Variants in DAB1 observed in about 807,000 individuals in gnomAD.
DAB1 encodes the protein disabled homolog 1.
A neutral mutation model predicts 64.6 loss-of-function variants in DAB1; 15 were observed. The ratio of observed to expected loss-of-function variants is 0.23; its 90% CI spans 0.16 to 0.36. DAB1 has a LOEUF of 0.36. Among genes scored for constraint, DAB1 ranks in the 10% least tolerant of loss-of-function variants. The pLI is 1.00. For synonymous variants in DAB1, 235 were observed against 251.9 expected, an observed-to-expected ratio of 0.93 and a Z score of 0.64; for missense variants, 596 against 706.7, an observed-to-expected ratio of 0.84 and a Z score of 1.78.
At chr1:57,490,527 T>TA (rs888258240) in intron 7 of DAB1, among the ~76,000 whole-genome samples, 74 of 150,622 alleles carry the variant, frequency 4.9e-4, no homozygotes, top group African/African-American at 1.7e-3. Context: ...TTTATGAAAT[T>TA]AAAAAAAAAA....
intron 1 of DAB1, among the ~76,000 whole-genome samples, chr1:57,313,632 C>G (rs2100741121): frequency 6.6e-6 from 1 of 152,284 alleles, no homozygotes; most frequent in East Asian, 1.9e-4. Context: ...TAGTTTAATA[C>G]AAAGCTGACC....
In DAB1 at chr1:58,178,068, A is replaced by G. The variant is rs368288109; in HGVS notation, n.310-27480T>C. On this transcript the variant is annotated intron_variant and non_coding_transcript_variant, in intron 4 of 20. Coordinates refer to the DAB1 transcript ENST00000485760. ...AGAAAGTGTAAGGTTAGTGGACCTT[A>G]AGCCCTTGCAATATGGATTCTGTTC... 7.0e-4 allele frequency among the ~76,000 whole-genome samples: 106 copies of G among 152,258 alleles called. No individual in the cohort carries two copies. The South Asian group carries it at 8.5e-3, about 12-fold the overall frequency.
intron 4 of DAB1, among the ~76,000 whole-genome samples, chr1:58,214,850 G>C (rs910552096): frequency 6.6e-6 from 1 of 152,192 alleles, no homozygotes; most frequent in Non-Finnish European, 1.5e-5. Context: ...GCAGGCCACT[G>C]TGGCCTCATG....
At chr1:58,117,534 C>G (rs1170554023) in intron 5 of DAB1, among the ~76,000 whole-genome samples, 1 of 152,194 alleles carries the variant, frequency 6.6e-6, no homozygotes, top group East Asian at 1.9e-4. Flanking sequence ...CATCAGGGAC[C>G]TCTTTCCCAA....
intron 3 of DAB1, among the ~76,000 whole-genome samples, chr1:58,442,701 C>G (rs1007943185): frequency 4.6e-5 from 7 of 152,194 alleles, no homozygotes; most frequent in African/African-American, 1.7e-4. Context: ...CACTTATCCT[C>G]TCTGACCTCT....
At chr1:57,991,737 T>C (rs1429565903) in intron 5 of DAB1, among the ~76,000 whole-genome samples, 1 of 145,306 alleles carries the variant, frequency 6.9e-6, no homozygotes, top group Non-Finnish European at 1.5e-5. Flanking sequence ...TACCAGCTAC[T>C]TGGGAGGCTG....
chr1:57,111,270 G>A (rs486939), intron 4 of DAB1, among the ~76,000 whole-genome samples: 120,188 of 151,998 alleles, frequency 0.79, 47,722 homozygotes, highest in East Asian at 0.98. Context: ...GTTCTAATGG[G>A]ACAAAATATT....
chr1:57,588,499 T>C (rs1645406131), intron 7 of DAB1, among the ~76,000 whole-genome samples: 1 of 152,172 alleles, frequency 6.6e-6, no homozygotes, highest in Non-Finnish European at 1.5e-5. Context: ...AAATCCTGAA[T>C]ACCAAGAAGG....
At chr1:57,426,808 G>A (rs186992255), upstream of DAB1, among the ~76,000 whole-genome samples, 1 of 151,850 alleles carries the variant, frequency 6.6e-6, no homozygotes, top group African/African-American at 2.4e-5. Context: ...ACCCTACAAT[G>A]GTGGTGGATA....
upstream of DAB1, among the ~76,000 whole-genome samples, chr1:57,428,736 A>G (rs150907538): frequency 6.6e-6 from 1 of 151,082 alleles, no homozygotes; most frequent in Non-Finnish European, 1.5e-5. Context: ...AAGAACTTTC[A>G]TATTCTGTTC....
At chr1:58,007,269 G>A (rs1023240193) in intron 5 of DAB1, among the ~76,000 whole-genome samples, 3 of 151,870 alleles carry the variant, frequency 2.0e-5, no homozygotes, top group African/African-American at 7.3e-5. Flanking sequence ...ATCTCAAGAC[G>A]CACAAAGAAA....
intron 4 of DAB1, among the ~76,000 whole-genome samples, chr1:58,288,252 C>T (rs1253330942): frequency 6.6e-6 from 1 of 152,076 alleles, no homozygotes; most frequent in African/African-American, 2.4e-5. Context: ...CTCTTGAAAT[C>T]TCTTGGTATC....
chr1:57,167,265 T>C (rs912831544), intron 2 of DAB1, among the ~76,000 whole-genome samples: 5 of 152,142 alleles, frequency 3.3e-5, no homozygotes, highest in African/African-American at 7.2e-5. Flanking sequence ...GTTGATGACA[T>C]GGGATATGCT....
chr1:57,251,131 A>G (rs1462453608), intron 2 of DAB1, among the ~76,000 whole-genome samples: 1 of 152,218 alleles, frequency 6.6e-6, no homozygotes, highest in Non-Finnish European at 1.5e-5. Context: ...TAGTTGTCCA[A>G]ACGTCATTCT....
chr1:58,398,533 A>C (rs1644542633), intron 3 of DAB1, among the ~76,000 whole-genome samples: 1 of 152,244 alleles, frequency 6.6e-6, no homozygotes, highest in South Asian at 2.1e-4. Flanking sequence ...CATCCATAGC[A>C]GATCGTAGAG....
chr1:57,982,023 C>G (rs1475913531), intron 5 of DAB1, among the ~76,000 whole-genome samples: 1 of 152,210 alleles, frequency 6.6e-6, no homozygotes, highest in African/African-American at 2.4e-5. Context: ...GCAACAGACT[C>G]TCAGTGACAG....
intron 1 of DAB1, among the ~76,000 whole-genome samples, chr1:57,295,823 T>C (rs1351499865): frequency 6.6e-6 from 1 of 152,152 alleles, no homozygotes; most frequent in Admixed American, 6.6e-5. Flanking sequence ...ATTAATGTTC[T>C]ACATATCTGA....
In DAB1 at chr1:57,472,085, A is replaced by G. The variant is rs78206171; in HGVS notation, n.625+177507T>C. On this transcript the variant is annotated intron_variant and non_coding_transcript_variant, in intron 7 of 20. Coordinates refer to the DAB1 transcript ENST00000485760. Reference sequence around the variant, plus strand: ...CTCTTTTCTACAAATGAGAAAAATAAAGCTCAGAGACATGTGTACTCTCAG... The same window carrying G: ...CTCTTTTCTACAAATGAGAAAAATAGAGCTCAGAGACATGTGTACTCTCAG... Among the ~76,000 whole-genome samples, 628 of 152,364 alleles carry G rather than the reference A, an allele frequency of 4.1e-3. 2 individuals carry two copies. The highest frequency in any genetic ancestry group is 0.014 in the African/African-American group (600 of 41,582).
chr1:57,595,323 A>C (rs1026881516), intron 7 of DAB1, among the ~76,000 whole-genome samples: 3 of 151,882 alleles, frequency 2.0e-5, no homozygotes, highest in African/African-American at 7.3e-5. Flanking sequence ...ATTTTAGAAA[A>C]GTCATTGTGA....
Sources: allele counts gnomAD v4.1 joint callset (sites outside exome capture counted in the v4.1 genomes callset), GRCh38; gene constraint gnomAD v4.1.1; transcripts MANE v1.5; gene names NCBI Gene and HGNC (gene_info 2026-07-23, HGNC 2026-07-21).